Variants in NEAT1 observed in about 807,000 individuals in gnomAD.
The protein encoded by NEAT1 is MENepsilon/beta.
At chr11:65,445,082 C>T (rs1856754288) in exon 1 of NEAT1, 1 of 153,896 alleles carries the variant, frequency 6.5e-6, no homozygotes. Context: ...TCCCTGCCCT[C>T]ACCTATCCCA....
At chr11:65,443,527 G>A (rs1047115425) in exon 1 of NEAT1, 3 of 152,170 alleles carry the variant, frequency 2.0e-5, no homozygotes, top group African/African-American at 7.2e-5. Context: ...CAATTACTTG[G>A]GCTGAAATAA....
exon 1 of NEAT1, chr11:65,437,478 C>T (rs941806885): frequency 2.6e-5 from 4 of 151,934 alleles, no homozygotes; most frequent in Non-Finnish European, 5.9e-5. Context: ...ATTGATCTGT[C>T]TATTCACGTG....
exon 1 of NEAT1, chr11:65,439,349 G>C (rs140587554): frequency 6.6e-6 from 1 of 152,048 alleles, no homozygotes; most frequent in Non-Finnish European, 1.5e-5. Context: ...TCACTTTATC[G>C]ATAATGTCCT....
At chr11:65,434,033 T>C (rs1411994907) in exon 1 of NEAT1, 1 of 152,216 alleles carries the variant, frequency 6.6e-6, no homozygotes, top group Non-Finnish European at 1.5e-5. Flanking sequence ...AATTTATTAT[T>C]TTGCATGTAA....
exon 1 of NEAT1, chr11:65,435,098 C>G (rs1856647069): frequency 6.6e-6 from 1 of 152,194 alleles, no homozygotes. Flanking sequence ...CTGCTTATGC[C>G]TGCATTGCAG....
exon 1 of NEAT1, chr11:65,437,195 G>GTATATATATATATATATGTA (rs71840262): frequency 5.4e-5 from 7 of 129,052 alleles, no homozygotes; most frequent in Admixed American, 1.5e-4. Flanking sequence ...ATATATATAT[G>GTATATATATATATATATGTA]TATATATATA....
exon 1 of NEAT1, chr11:65,425,273 A>G (rs1856549768): frequency 6.6e-6 from 1 of 152,108 alleles, no homozygotes; most frequent in Non-Finnish European, 1.5e-5. Flanking sequence ...TTAACTGAAA[A>G]CAGGTGACAC....
exon 1 of NEAT1, chr11:65,427,678 C>A (rs1354245630): frequency 6.6e-6 from 1 of 152,070 alleles, no homozygotes; most frequent in Non-Finnish European, 1.5e-5. Context: ...CCCTGGATGC[C>A]CCAGAAACAA....
At chr11:65,444,513 G>A in exon 1 of NEAT1, 1 of 492,706 alleles carries the variant, frequency 2.0e-6, no homozygotes, top group Non-Finnish European at 4.2e-6. Flanking sequence ...TAGCAGGAGG[G>A]GCTCCAGGGG....
At chr11:65,427,983 G>A (rs1380009094) in exon 1 of NEAT1, 2 of 152,178 alleles carry the variant, frequency 1.3e-5, no homozygotes, top group African/African-American at 4.8e-5. Context: ...GCCGACTGCT[G>A]AAGACAGCTC....
chr11:65,439,294 A>G (rs1856692821), exon 1 of NEAT1: 1 of 152,186 alleles, frequency 6.6e-6, no homozygotes, highest in South Asian at 2.1e-4. Context: ...CCCTTATCAG[A>G]TACATGGTTT....
chr11:65,425,007 A>C (rs1184745820), exon 1 of NEAT1: 2 of 151,762 alleles, frequency 1.3e-5, no homozygotes. Flanking sequence ...GGTTAGAGAT[A>C]CAGTGTGGGT....
At chr11:65,433,444 G>A (rs1394684816) in exon 1 of NEAT1, 1 of 152,072 alleles carries the variant, frequency 6.6e-6, no homozygotes, top group Non-Finnish European at 1.5e-5. Flanking sequence ...CTTAATCTTT[G>A]ATTCAGGACA....
exon 1 of NEAT1, chr11:65,431,954 G>T (rs777663825): frequency 6.6e-6 from 1 of 152,108 alleles, no homozygotes; most frequent in African/African-American, 2.4e-5. Flanking sequence ...TACTTTTGTG[G>T]TCTGTGCTTT....
exon 1 of NEAT1, chr11:65,430,462 A>G (rs1380702226): frequency 6.6e-6 from 1 of 152,204 alleles, no homozygotes; most frequent in Non-Finnish European, 1.5e-5. Flanking sequence ...TAACCTTCCC[A>G]AAGGAAGTCC....
chr11:65,430,143 G>A lies in NEAT1; in HGVS notation n.7346G>A, dbSNP rs1165490687. The stretch of plus-strand genomic sequence containing the variant: ...CCCCAAGCCTGTGTCTGTGAAATGC[G>A]GGTAAATGAATGTAGATGTTTGGCA... On this transcript the variant is annotated non_coding_transcript_exon_variant, in exon 1 of 1. Coordinates refer to ENST00000501122, the Ensembl canonical transcript of NEAT1. 2.4e-4 allele frequency: 37 copies of A among 152,242 alleles called. 1 individual carries two copies. The highest frequency in any genetic ancestry group is 2.4e-3 in the Admixed American group (36 of 15,278). The allele number at this position is 152,242 out of a possible 1,614,324, so 9.4% of individuals were successfully genotyped here. A position where few individuals can be genotyped will look rare whatever the true frequency, so the allele number is the denominator to read the frequency against.
At chr11:65,433,711 T>C (rs898240564) in exon 1 of NEAT1, 1 of 151,870 alleles carries the variant, frequency 6.6e-6, no homozygotes, top group African/African-American at 2.4e-5. Context: ...TCTTTTTTTT[T>C]CTTTATGTGT....
exon 1 of NEAT1, chr11:65,430,587 G>A (rs1856606572): frequency 6.6e-6 from 1 of 152,152 alleles, no homozygotes; most frequent in African/African-American, 2.4e-5. Context: ...ATGATTGCAT[G>A]ATTTTATGCC....
rs916133136 is a variant in NEAT1 at position 65,434,038 on chromosome 11, A to G, written n.11241A>G. 3.3e-5 allele frequency: 5 copies of G among 152,282 alleles called. No homozygotes were observed. In the South Asian group the frequency reaches 8.3e-4, roughly 25 times the overall value. 9.4% of individuals were successfully genotyped at this position (152,282 alleles called of 1,614,324 possible). A position where few individuals can be genotyped will look rare whatever the true frequency, so the allele number is the denominator to read the frequency against. ...TCTTAGAGAAAATTTATTATTTTGCATGTAATCTTATGGAACATTCTCATT... is the reference window on the plus strand; with the variant it reads ...TCTTAGAGAAAATTTATTATTTTGCGTGTAATCTTATGGAACATTCTCATT... On this transcript the variant is annotated non_coding_transcript_exon_variant, in exon 1 of 1. Transcript: ENST00000501122.
Sources: allele counts gnomAD v4.1 joint callset, GRCh38; gene constraint gnomAD v4.1.1; transcripts MANE v1.5; gene names NCBI Gene and HGNC (gene_info 2026-07-23, HGNC 2026-07-21).